Variants in XYLT2 observed in about 807,000 individuals in gnomAD.
XYLT2 encodes xylosyltransferase 2.
XYLT2 carries 37 observed loss-of-function variants against 82.6 expected under a neutral mutation model. The observed-to-expected ratio is 0.45, with a 90% CI of 0.34 to 0.59. XYLT2 has a LOEUF of 0.59. Among genes scored for constraint, XYLT2 ranks in the 20% least tolerant of loss-of-function variants. The pLI is 0.01. For missense variants in XYLT2, 934 were observed against 1,181.3 expected, an observed-to-expected ratio of 0.79 and a Z score of 3.07; for synonymous variants, 474 against 499.0, an observed-to-expected ratio of 0.95 and a Z score of 0.67.
At chr17:50,349,088 A>G (rs1912150561) in intron 1 of XYLT2, among the ~76,000 whole-genome samples, 3 of 152,060 alleles carry the variant, frequency 2.0e-5, no homozygotes, top group African/African-American at 7.2e-5. Flanking sequence ...AGGGACCAAC[A>G]TGCCCATCTC....
Position 50,353,637 on chromosome 17 carries a change from G to A in XYLT2, c.143G>A (p.Arg48Lys). Reference protein sequence around the residue: ...LEEDEAGEKGRQRKPRPLDPG... With the variant: ...LEEDEAGEKGKQRKPRPLDPG... ...TCTGCATCTCTCTTACAGAAAGGAA[G>A]GCAGAGGAAGCCACGGCCACTGGAC... The change falls in exon 2 of 11, where the codon AGG becomes AAG. Residue 48 changes from arginine (R) to lysine (K), a missense_variant. By Grantham distance (26) the Arg-to-Lys change is conservative. Transcript: ENST00000017003. 3 of 1,564,546 alleles carry A rather than the reference G, an allele frequency of 1.9e-6. No individual in the cohort carries two copies. The highest frequency in any genetic ancestry group is 1.2e-5 in the South Asian group (1 of 85,220).
chr17:50,354,378 G>T lies in XYLT2; in HGVS notation c.629-30G>T, dbSNP rs766447543. ...ACCCCCACCCTGTGACCTAGGGTGG[G>T]CCTCGCCAACGCCTGTCCTCTGCTC... On this transcript the variant is annotated intron_variant, in intron 2 of 10. Transcript: ENST00000017003. 3.2e-6 allele frequency: 5 copies of T among 1,577,528 alleles called. No homozygotes were observed. The Admixed American group carries it at 7.0e-5, about 22-fold the overall frequency.
chr17:50,346,172 T>TGCGGCGCTACAAGCTGGC lies in XYLT2; in HGVS notation c.34_51dup (p.Arg12_Ala17dup), dbSNP rs1434845736. ...GCGAGCGCGCGAGTGCAGAAGCTGGTGCGGCGCTACAAGCTGGCGATTGCC... is the reference window on the plus strand; with the variant it reads ...GCGAGCGCGCGAGTGCAGAAGCTGGTGCGGCGCTACAAGCTGGCGCGGCGCTACAAGCTGGCGATTGCC... On this transcript the variant is annotated inframe_insertion, in exon 1 of 11. Transcript: ENST00000017003. The surrounding 1 kb of genome is among the most constrained non-coding windows in gnomAD (Gnocchi z 5.1). 3 of 1,286,344 alleles carry TGCGGCGCTACAAGCTGGC rather than the reference T, an allele frequency of 2.3e-6. No homozygotes were observed. The highest frequency in any genetic ancestry group is 3.0e-6 in the Non-Finnish European group (3 of 991,370). The allele number at this position is 1,286,344 out of a possible 1,614,324, so 79.7% of individuals were successfully genotyped here. A position where few individuals can be genotyped will look rare whatever the true frequency, so the allele number is the denominator to read the frequency against.
In XYLT2 at chr17:50,360,575, T is replaced by C. The variant is rs955943386; in HGVS notation, c.*284T>C. 4.3e-4 allele frequency: 476 copies of C among 1,098,448 alleles called. 2 individuals are homozygous for C. The East Asian group carries it at 1.0e-2, about 23-fold the overall frequency. 68.0% of individuals were successfully genotyped at this position (1,098,448 alleles called of 1,614,324 possible). A position where few individuals can be genotyped will look rare whatever the true frequency, so the allele number is the denominator to read the frequency against. ...TAGTTTGAATTTCTTTTTTTTCTTT[T>C]TTTTTTTTTTTTTTTAATTTAAAAA... is the stretch of plus-strand genomic sequence containing the variant. On this transcript the variant is annotated 3_prime_UTR_variant, in exon 11 of 11. Transcript: ENST00000017003.
chr17:50,355,130 G>T, intron 4 of XYLT2, 74 bp downstream of exon 4: 1 of 1,449,536 alleles, frequency 6.9e-7, no homozygotes, highest in South Asian at 1.4e-5. Context: ...GGAGGGCTTT[G>T]GTGGACCTTC....
Position 50,355,829 on chromosome 17 carries a change from A to G in XYLT2, c.1137A>G (p.Ser379=). Residue 379 remains serine (S), a synonymous_variant, in exon 6 of 11, where the codon TCA becomes TCG. Coordinates refer to ENST00000017003, the MANE Select transcript of XYLT2 (RefSeq NM_022167.4). ...GLDRLFHECD[S]HMWRLGERQI... ...ACCGGCTCTTCCATGAGTGCGACTCACACATGTGGCGCCTGGGCGAGCGGC... is the reference window on the plus strand; with the variant it reads ...ACCGGCTCTTCCATGAGTGCGACTCGCACATGTGGCGCCTGGGCGAGCGGC... 6.2e-7 allele frequency: 1 copy of G among 1,614,252 alleles called. No homozygotes were observed. Among genetic ancestry groups the G allele is most frequent in the Non-Finnish European group, 8.5e-7 (1 of 1,180,042 alleles).
rs768453327 is a variant in XYLT2, at chr17:50,355,881, G to A, written c.1189G>A (p.Gly397Ser). ...RQIPAGIVVD[G>S]GSDWFVLTRS... ...GATCCCAGCAGGCATTGTGGTGGATGGCGGTTCTGACTGGTTCGTGCTGAC... is the reference window on the plus strand; with the variant it reads ...GATCCCAGCAGGCATTGTGGTGGATAGCGGTTCTGACTGGTTCGTGCTGAC... The change falls in exon 6 of 11, where the codon GGC (glycine) becomes AGC (serine). Residue 397 changes from glycine (G) to serine (S), a missense_variant. Around this residue, in one of 3 missense-constraint regions of XYLT2, gnomAD observed 189 missense variants for 320.8 expected, o/e 0.59. Transcript: ENST00000017003. 2.0e-5 allele frequency: 33 copies of A among 1,614,270 alleles called. No individual in the cohort carries two copies. The highest frequency in any genetic ancestry group is 2.8e-5 in the Non-Finnish European group (33 of 1,180,056).
Position 50,355,995 on chromosome 17 carries a change from G to C in XYLT2, c.1303G>C (p.Glu435Gln). ...CTACACATACACACTGCTCCCAGCC[G>C]AGGTGGGTAGCCCAGCAGGCATGAA... Reference protein sequence around the residue: ...QFYTYTLLPAESFFHTVLENS... With the variant: ...QFYTYTLLPAQSFFHTVLENS... The change falls in exon 6 of 11, where the codon GAG (glutamate) becomes CAG (glutamine). Residue 435 changes from glutamate (E) to glutamine (Q), a missense_variant and splice_region_variant. Physicochemically the swap from Glu to Gln is conservative, Grantham distance 29 (BLOSUM62 2). Coordinates refer to ENST00000017003, the MANE Select transcript of XYLT2 (RefSeq NM_022167.4). 6.2e-7 allele frequency: 1 copy of C among 1,614,216 alleles called. No individual in the cohort carries two copies. Among genetic ancestry groups the C allele is most frequent in the Non-Finnish European group, 8.5e-7 (1 of 1,180,030 alleles).
chr17:50,357,052 C>A lies in XYLT2; in HGVS notation c.1746-5C>A, dbSNP rs1182419226. ...CATCTCCCTTTCTCCCTGCTGGCAC[C>A]TTAGGTTTGAGCCCAGGGGCTTGCC... On this transcript the variant is annotated splice_polypyrimidine_tract_variant and splice_region_variant and intron_variant, in intron 8 of 10. Transcript: ENST00000017003. 1 of 1,593,274 alleles carries A rather than the reference C, an allele frequency of 6.3e-7. No homozygotes were observed. The highest frequency in any genetic ancestry group is 1.7e-5 in the Admixed American group (1 of 58,004).
intron 9 of XYLT2, chr17:50,357,878 C>G (rs1490822662): frequency 6.6e-6 from 2 of 305,034 alleles, no homozygotes; most frequent in Non-Finnish European, 1.2e-5. Flanking sequence ...CCGCGCCTGG[C>G]CCCTCCTCAT....
Position 50,356,409 on chromosome 17 carries a change from A to G in XYLT2, c.1483-102A>G, listed in dbSNP as rs1216978665. 9 of 1,551,770 alleles carry G rather than the reference A, an allele frequency of 5.8e-6. No homozygotes were observed. The South Asian group carries it at 9.8e-5, about 17-fold the overall frequency. On this transcript the variant is annotated intron_variant, in intron 7 of 10. Transcript: ENST00000017003. ...TCTGGGGCTACAACAGCAGCAGGAA[A>G]AGCCGCAGGAGGCTGAGCTCTAGGC...
rs1293618568 is a variant in XYLT2, at chr17:50,354,801, G to T, written c.805-53G>T. 3.1e-6 allele frequency: 5 copies of T among 1,603,214 alleles called. No homozygotes were observed. The African/African-American group carries it at 5.3e-5, about 17-fold the overall frequency. On this transcript the variant is annotated intron_variant, in intron 3 of 10. Coordinates refer to ENST00000017003, the MANE Select transcript of XYLT2 (RefSeq NM_022167.4). ...GTCCCTTCACTCTGTCCTGGGGTGG[G>T]ATTGGGGATGGCGATAACACTGGAG...
intron 8 of XYLT2, 89 bp downstream of exon 8, chr17:50,356,862 C>T (rs778645234): frequency 8.3e-5 from 126 of 1,522,608 alleles, no homozygotes; most frequent in Non-Finnish European, 1.1e-4. Context: ...CTGCCCACAA[C>T]AAGGCCCCAG....
intron 8 of XYLT2, 84 bp downstream of exon 8, chr17:50,356,857 CACA>C: frequency 6.6e-7 from 1 of 1,524,514 alleles, no homozygotes; most frequent in Non-Finnish European, 8.8e-7. Flanking sequence ...GTCCCCTGCC[CACA>C]ACAAGGCCCC....
intron 10 of XYLT2, chr17:50,359,666 C>T: frequency 2.7e-6 from 1 of 370,486 alleles, no homozygotes; most frequent in Non-Finnish European, 4.9e-6. Flanking sequence ...GCTCTAGGAG[C>T]CACCAATGAT....
rs1213239461 is a variant in XYLT2 at position 50,360,780 on chromosome 17, G to A, written c.*489G>A. 49 of 985,394 alleles carry A rather than the reference G, an allele frequency of 5.0e-5. No individual in the cohort carries two copies. Among genetic ancestry groups the A allele is most frequent in the Non-Finnish European group, 5.9e-5 (49 of 829,496 alleles). 61.0% of individuals were successfully genotyped at this position (985,394 alleles called of 1,614,324 possible). On this transcript the variant is annotated 3_prime_UTR_variant, in exon 11 of 11. Coordinates refer to ENST00000017003, the MANE Select transcript of XYLT2 (RefSeq NM_022167.4). ...GCCTCATGCCCCATTCTGGGCCTGT[G>A]GTGCTCGTGGCTGAGGCTCCACAGG...
chr17:50,355,088 G>A (rs1468881209), intron 4 of XYLT2, 32 bp downstream of exon 4: 1 of 1,517,206 alleles, frequency 6.6e-7, no homozygotes, highest in Middle Eastern at 1.8e-4. Flanking sequence ...TCCTCTGCAT[G>A]GGAGGGGACC....
In XYLT2 at chr17:50,356,236, A is replaced by C. The variant is rs1440237959; in HGVS notation, c.1457A>C (p.Lys486Thr). The change falls in exon 7 of 11, where the codon AAG (lysine) becomes ACG (threonine). Residue 486 changes from lysine (K) to threonine (T), a missense_variant. Lys to Thr is a moderately conservative substitution (Grantham distance 78, BLOSUM62 -1). Transcript: ENST00000017003. ...TGTGGCTGCTCCCCCAACGACTTCA[A>C]GCCACAGGACTTCCTCCGGCTGCAG... is the stretch of plus-strand genomic sequence containing the variant. ...DWCGCSPNDFKPQDFLRLQQV... is the reference protein window; with the variant it reads ...DWCGCSPNDFTPQDFLRLQQV... 1 of 1,614,046 alleles carries C rather than the reference A, an allele frequency of 6.2e-7. No individual in the cohort carries two copies. The highest frequency in any genetic ancestry group is 2.2e-5 in the East Asian group (1 of 44,870).
chr17:50,352,088 G>A (rs1387682756), intron 1 of XYLT2, among the ~76,000 whole-genome samples: 1 of 152,222 alleles, frequency 6.6e-6, no homozygotes, highest in Non-Finnish European at 1.5e-5. Flanking sequence ...AAGTCACGCT[G>A]CTGAAAGGCC....
Sources: allele counts gnomAD v4.1 joint callset (sites outside exome capture counted in the v4.1 genomes callset), GRCh38; gene constraint gnomAD v4.1.1; regional missense constraint gnomAD v4.1.1; non-coding constraint Gnocchi (gnomAD v3.1); transcripts MANE v1.5; gene names NCBI Gene and HGNC (gene_info 2026-07-23, HGNC 2026-07-21).